SNU13: variants seen among roughly 807,000 people sequenced by gnomAD.
SNU13 encodes the protein small nuclear ribonucleoprotein 13.
Under a neutral mutation model 12.4 loss-of-function variants are expected in SNU13, and 2 were observed. The ratio of observed to expected loss-of-function variants is 0.16; its 90% CI spans 0.07 to 0.51. The LOEUF is 0.51. Ranked by LOEUF, SNU13 falls within the 20% of genes least tolerant of loss-of-function variation. The probability of loss-of-function intolerance (pLI) is 0.96; values close to 1 mark genes in which losing one functional copy is unlikely to be tolerated. For missense variants in SNU13, 66 were observed against 157.8 expected, an observed-to-expected ratio of 0.42 and a Z score of 3.12; for synonymous variants, 68 against 66.5, an observed-to-expected ratio of 1.02 and a Z score of -0.11.
intron 1 of SNU13, 52 bp downstream of exon 1, chr22:41,688,742 C>A: frequency 6.3e-7 from 1 of 1,594,716 alleles, no homozygotes; most frequent in Non-Finnish European, 8.6e-7. Context: ...AGGGAGTGAA[C>A]GCAACCCTGA....
At chr22:41,682,258 C>T in intron 1 of SNU13, 1 of 1,341,958 alleles carries the variant, frequency 7.5e-7, no homozygotes, top group Non-Finnish European at 1.1e-6. Context: ...TTCCTCCTTC[C>T]GTTTTTTTAC....
intron 1 of SNU13, 80 bp from the exon 2 acceptor site, chr22:41,680,444 T>G: frequency 6.7e-7 from 1 of 1,491,284 alleles, no homozygotes; most frequent in Non-Finnish European, 9.1e-7. Context: ...AATCAACAAT[T>G]GAGACACAGG....
At chr22:41,678,803 C>T (rs747850252) in intron 2 of SNU13, among the ~76,000 whole-genome samples, 42 of 152,358 alleles carry the variant, frequency 2.8e-4, no homozygotes, top group Admixed American at 7.8e-4. Context: ...ACGAGACCCA[C>T]AGAGTCTACT....
chr22:41,674,408 C>T lies in SNU13; in HGVS notation c.*525G>A, dbSNP rs1266946093. On this transcript the variant is annotated 3_prime_UTR_variant, in exon 3 of 3. Transcript: ENST00000401959. Reference sequence around the variant, plus strand: ...AGCAGGGGTACATTAGTAAACGACACTTGGACATAGCCGAACAACCTCACA... The same window carrying T: ...AGCAGGGGTACATTAGTAAACGACATTTGGACATAGCCGAACAACCTCACA... 3 of 156,674 alleles carry T rather than the reference C, an allele frequency of 1.9e-5. No homozygotes were observed. Among genetic ancestry groups the T allele is most frequent in the African/African-American group, 7.2e-5 (3 of 41,502 alleles). 9.7% of individuals were successfully genotyped at this position (156,674 alleles called of 1,614,324 possible). A position where few individuals can be genotyped will look rare whatever the true frequency, so the allele number is the denominator to read the frequency against.
chr22:41,684,476 T>C (rs1569110509), intron 1 of SNU13, among the ~76,000 whole-genome samples: 1 of 152,218 alleles, frequency 6.6e-6, no homozygotes. Flanking sequence ...TTCCCCCCTC[T>C]GCCCTTGTCA....
rs777013490 is a variant in SNU13, at chr22:41,688,774, C to G, written c.3+20G>C. The stretch of plus-strand genomic sequence containing the variant: ...CTGAGTCTCCCGCTTCCCGGTCCCT[C>G]GGCCGGCGCACGCACTCACCATGGC... On this transcript the variant is annotated intron_variant, in intron 1 of 2. Coordinates refer to ENST00000401959, the MANE Select transcript of SNU13 (RefSeq NM_001003796.2). The G allele has an allele frequency of 6.3e-7, 1 of 1,598,890 alleles. No individual in the cohort carries two copies. Among genetic ancestry groups the G allele is most frequent in the Non-Finnish European group, 8.6e-7 (1 of 1,168,756 alleles).
chr22:41,687,555 G>A (rs925581474), intron 1 of SNU13, among the ~76,000 whole-genome samples: 1 of 152,170 alleles, frequency 6.6e-6, no homozygotes, highest in Non-Finnish European at 1.5e-5. Flanking sequence ...TGCTTAGGGT[G>A]TATTTATTTG....
chr22:41,688,647 T>G, intron 1 of SNU13, 147 bp downstream of exon 1: 1 of 1,134,868 alleles, frequency 8.8e-7, no homozygotes, highest in Non-Finnish European at 1.2e-6. Context: ...CCGCCGCTGC[T>G]GGGGTTCTAA....
chr22:41,681,655 AC>A (rs1357023796), intron 1 of SNU13: 1 of 152,106 alleles, frequency 6.6e-6, no homozygotes, highest in Non-Finnish European at 1.5e-5. Flanking sequence ...AAAAATTCTT[AC>A]TTTATAGATA....
chr22:41,682,377 C>T lies in SNU13; in HGVS notation c.4-2013G>A, dbSNP rs376169875. 6.8e-6 allele frequency: 11 copies of T among 1,613,974 alleles called. No homozygotes were observed. In the Admixed American group the frequency reaches 1.8e-4, roughly 27 times the overall value. On this transcript the variant is annotated intron_variant, in intron 1 of 2. Transcript: ENST00000401959. ...TCACCATAGCGTCTGTCTTGGTAGT[C>T]TCTTGCCGGACACCGCGAGGATACC...
At chr22:41,684,573 A>C (rs1052428589) in intron 1 of SNU13, among the ~76,000 whole-genome samples, 3 of 152,120 alleles carry the variant, frequency 2.0e-5, no homozygotes, top group Non-Finnish European at 4.4e-5. Flanking sequence ...CTGATAGTTT[A>C]TATTTTTCAT....
chr22:41,674,609 C>T lies in SNU13; in HGVS notation c.*324G>A, dbSNP rs2068194560. 1.0e-5 allele frequency: 3 copies of T among 300,380 alleles called. No individual in the cohort carries two copies. The highest frequency in any genetic ancestry group is 1.3e-5 in the Non-Finnish European group (2 of 157,478). The allele number at this position is 300,380 out of a possible 1,614,324, so 18.6% of individuals were successfully genotyped here. On this transcript the variant is annotated 3_prime_UTR_variant, in exon 3 of 3. Transcript: ENST00000401959. ...GAAGCTAGTGGCTGAAAGCTGGAAC[C>T]AGATCTCTGTCCTGGCTCCATCAGC...
chr22:41,676,356 GCA>G (rs1366291982), intron 2 of SNU13, among the ~76,000 whole-genome samples: 1 of 152,048 alleles, frequency 6.6e-6, no homozygotes, highest in Non-Finnish European at 1.5e-5. Context: ...CTTGAGAAGG[GCA>G]CACACTCTAG....
Position 41,682,439 on chromosome 22 carries a change from G to T in SNU13, c.4-2075C>A, listed in dbSNP as rs1310880017. ...TTTGGACGGTCTGCTGCCCAGCACC[G>T]CAAGGACACGGATGCCCCGCCCCCA... is the stretch of plus-strand genomic sequence containing the variant. On this transcript the variant is annotated intron_variant, in intron 1 of 2. Transcript: ENST00000401959. 7 of 1,609,836 alleles carry T rather than the reference G, an allele frequency of 4.3e-6. No homozygotes were observed. The South Asian group carries it at 4.4e-5, about 10-fold the overall frequency.
chr22:41,677,684 CA>C (rs1274163208), intron 2 of SNU13, among the ~76,000 whole-genome samples: 1 of 152,138 alleles, frequency 6.6e-6, no homozygotes, highest in African/African-American at 2.4e-5. Flanking sequence ...TCTTGCTGTT[CA>C]AAATCCTTCT....
chr22:41,679,187 T>C (rs2068239743), intron 2 of SNU13, among the ~76,000 whole-genome samples: 1 of 151,970 alleles, frequency 6.6e-6, no homozygotes, highest in African/African-American at 2.4e-5. Context: ...GGCAGGCGGA[T>C]CACTTCAGGT....
chr22:41,680,832 C>A (rs1170583177), intron 1 of SNU13, among the ~76,000 whole-genome samples: 6 of 152,146 alleles, frequency 3.9e-5, no homozygotes, highest in African/African-American at 7.2e-5. Context: ...GTAGCTGGGA[C>A]TATAAGCGTG....
intron 2 of SNU13, among the ~76,000 whole-genome samples, chr22:41,675,705 AGCCACTGTG>A (rs1263900125): frequency 6.7e-6 from 1 of 148,892 alleles, no homozygotes; most frequent in East Asian, 2.0e-4. Flanking sequence ...TACAGGTATG[AGCCACTGTG>A]CCTGTCCTAA....
intron 1 of SNU13, chr22:41,688,227 T>C (rs1472511225): frequency 6.6e-6 from 1 of 152,346 alleles, no homozygotes; most frequent in East Asian, 1.9e-4. Context: ...TCGCGCTCAC[T>C]TCATGTTCCC....
Sources: allele counts gnomAD v4.1 joint callset (sites outside exome capture counted in the v4.1 genomes callset), GRCh38; gene constraint gnomAD v4.1.1; transcripts MANE v1.5; gene names NCBI Gene and HGNC (gene_info 2026-07-23, HGNC 2026-07-21).